SAXO1: variants seen among roughly 807,000 people sequenced by gnomAD.
SAXO1 encodes stabilizer of axonemal microtubules 1.
A neutral mutation model predicts 17.5 loss-of-function variants in SAXO1; 21 were observed. The observed-to-expected ratio is 1.20, with a 90% CI of 0.85 to 1.72. The LOEUF (loss-of-function observed/expected upper bound fraction) is 1.72. SAXO1 is among the 40% of genes most tolerant of loss of function. The pLI is 0.00. For missense variants in SAXO1, 843 were observed against 596.0 expected, an observed-to-expected ratio of 1.41 and a Z score of -4.32; for synonymous variants, 274 against 216.5, an observed-to-expected ratio of 1.27 and a Z score of -2.33.
At chr9:18,970,463 TAA>T (rs1832906756) in intron 1 of SAXO1, among the ~76,000 whole-genome samples, 1 of 152,182 alleles carries the variant, frequency 6.6e-6, no homozygotes, top group East Asian at 1.9e-4. Flanking sequence ...AAGCAGTTCA[TAA>T]AAGACTCCTC....
Position 18,990,789 on chromosome 9 carries a change from C to T in SAXO1, c.39-39852G>A, listed in dbSNP as rs116175691. Among the ~76,000 whole-genome samples the T allele has an allele frequency of 1.4e-3, 213 of 152,268 alleles. 2 individuals carry two copies. The highest frequency in any genetic ancestry group is 5.0e-3 in the African/African-American group (208 of 41,544). On this transcript the variant is annotated intron_variant, in intron 1 of 3. Transcript: ENST00000380534. ...CCTATCAGTGAACTGCGCATGCAAGCGATCTAGGTTGTGTGCTCCTTATGA... is the reference window on the plus strand; with the variant it reads ...CCTATCAGTGAACTGCGCATGCAAGTGATCTAGGTTGTGTGCTCCTTATGA...
intron 1 of SAXO1, among the ~76,000 whole-genome samples, chr9:18,996,896 T>A (rs57781933): frequency 2.6e-5 from 4 of 151,238 alleles, no homozygotes; most frequent in African/African-American, 9.7e-5. Context: ...AAGGAAGAGG[T>A]AAAATTATCT....
intron 1 of SAXO1, among the ~76,000 whole-genome samples, chr9:19,013,540 A>AT (rs1219136885): frequency 0.65 from 60,923 of 93,154 alleles, 21,623 homozygotes; most frequent in Non-Finnish European, 0.72. Context: ...AAAAGTACGG[A>AT]TTTTTTTTTT....
At chr9:19,006,012 C>G (rs1056441349) in intron 1 of SAXO1, among the ~76,000 whole-genome samples, 1 of 152,106 alleles carries the variant, frequency 6.6e-6, no homozygotes, top group South Asian at 2.1e-4. Context: ...GCAAAAAGGA[C>G]ATGAAAAGAT....
chr9:18,975,886 A>G (rs1425678635), intron 1 of SAXO1, among the ~76,000 whole-genome samples: 1 of 94,486 alleles, frequency 1.1e-5, no homozygotes, highest in Non-Finnish European at 3.1e-5. Flanking sequence ...AGTGGAGCAG[A>G]CAGACCAAGA....
intron 1 of SAXO1, among the ~76,000 whole-genome samples, chr9:18,968,857 G>T (rs1832838409): frequency 6.6e-6 from 1 of 152,150 alleles, no homozygotes; most frequent in African/African-American, 2.4e-5. Flanking sequence ...GCCTCCCAAA[G>T]TGCTAGGATT....
At chr9:19,045,887 C>A (rs549686191) in intron 1 of SAXO1, among the ~76,000 whole-genome samples, 5 of 151,960 alleles carry the variant, frequency 3.3e-5, no homozygotes, top group African/African-American at 1.2e-4. Context: ...TACTGCCGGG[C>A]GCGGTGGCTC....
At chr9:18,937,766 C>G (rs1474445829) in intron 3 of SAXO1, among the ~76,000 whole-genome samples, 3 of 152,172 alleles carry the variant, frequency 2.0e-5, no homozygotes, top group African/African-American at 7.2e-5. Context: ...CAGACCCTCA[C>G]TGGACACCAA....
At chr9:18,959,275 G>A (rs921112395) in intron 1 of SAXO1, among the ~76,000 whole-genome samples, 2 of 152,160 alleles carry the variant, frequency 1.3e-5, no homozygotes, top group African/African-American at 4.8e-5. Context: ...CAAATACAGA[G>A]AAACAGATTC....
In SAXO1 at chr9:18,928,078, G is replaced by A. The variant is rs747905247; in HGVS notation, c.1399C>T (p.Gln467Ter). 4.4e-6 allele frequency: 7 copies of A among 1,608,314 alleles called. No individual in the cohort carries two copies. Among genetic ancestry groups the A allele is most frequent in the Admixed American group, 3.3e-5 (2 of 59,762 alleles). ...CAGGCTAACACTTCCAACTCCCTCT[G>A]GTTGGGGTTTTCTGAATCATCTACA... ...LSVDDSENPN[Q>*]RELEVLA The change falls in exon 4 of 4, where the codon CAG (glutamine) becomes TAG (stop). Residue 467 changes from glutamine (Q) to a stop codon, truncating the protein, a stop_gained. Coordinates refer to ENST00000380534, the MANE Select transcript of SAXO1 (RefSeq NM_153707.4). LOFTEE classifies it high-confidence loss of function.
chr9:19,032,980 C>CCT lies in SAXO1; in HGVS notation c.-74_-73dup, dbSNP rs1835833791. ...GCAGCCGACTCCTAGACCCCAACCA[C>CCT]CTGTCTTGGGGCACGCCCAGGCTCG... On this transcript the variant is annotated 5_prime_UTR_variant, in exon 1 of 4. Coordinates refer to ENST00000380534, the MANE Select transcript of SAXO1 (RefSeq NM_153707.4). The CCT allele has an allele frequency of 1.3e-6, 2 of 1,508,188 alleles. No individual in the cohort carries two copies. The highest frequency in any genetic ancestry group is 1.8e-6 in the Non-Finnish European group (2 of 1,114,250). The allele number at this position is 1,508,188 out of a possible 1,614,324, so 93.4% of individuals were successfully genotyped here. A position where few individuals can be genotyped will look rare whatever the true frequency, so the allele number is the denominator to read the frequency against.
intron 1 of SAXO1, among the ~76,000 whole-genome samples, chr9:19,002,050 A>G (rs1588510674): frequency 6.6e-6 from 1 of 152,228 alleles, no homozygotes; most frequent in Non-Finnish European, 1.5e-5. Context: ...GCAATAAAAA[A>G]TGATAAAGGG....
At chr9:18,996,422 T>TTGC (rs1834002773) in intron 1 of SAXO1, among the ~76,000 whole-genome samples, 1 of 152,238 alleles carries the variant, frequency 6.6e-6, no homozygotes, top group Admixed American at 6.5e-5. Flanking sequence ...GTATAACCTA[T>TTGC]TGCTCCTAGG....
chr9:19,015,702 T>C (rs963992732), intron 1 of SAXO1, among the ~76,000 whole-genome samples: 1 of 150,396 alleles, frequency 6.6e-6, no homozygotes, highest in Admixed American at 6.6e-5. Context: ...TAGTCTGAAA[T>C]TCCTGGCCTC....
chr9:19,042,355 T>C (rs1411655731), intron 1 of SAXO1, among the ~76,000 whole-genome samples: 1 of 152,124 alleles, frequency 6.6e-6, no homozygotes, highest in Admixed American at 6.6e-5. Context: ...AAATGTAAAT[T>C]ATTACAACCA....
intron 3 of SAXO1, among the ~76,000 whole-genome samples, chr9:18,940,793 G>A (rs962765526): frequency 2.6e-5 from 4 of 152,162 alleles, no homozygotes; most frequent in Non-Finnish European, 2.9e-5. Flanking sequence ...CACTAGGCTA[G>A]AAAGTCAAGG....
Position 18,946,634 on chromosome 9 carries a change from C to G in SAXO1, c.218+4124G>C, listed in dbSNP as rs192414841. ...ACAAAAATCAACCCAAAATCTGACC[C>G]ATGCTCAAAAAAGAAAAAAAAAAGA... On this transcript the variant is annotated intron_variant, in intron 2 of 3. Coordinates refer to ENST00000380534, the MANE Select transcript of SAXO1 (RefSeq NM_153707.4). Among the ~76,000 whole-genome samples, 8 of 147,870 alleles carry G rather than the reference C, an allele frequency of 5.4e-5. No individual in the cohort carries two copies. The East Asian group carries it at 1.2e-3, about 21-fold the overall frequency.
At chr9:18,947,462 T>C (rs1263455228) in intron 2 of SAXO1, among the ~76,000 whole-genome samples, 7 of 152,130 alleles carry the variant, frequency 4.6e-5, no homozygotes, top group African/African-American at 1.7e-4. Flanking sequence ...CTCAATTCTA[T>C]CTCCTCACTC....
At chr9:19,027,820 T>G in intron 1 of SAXO1, 1 of 1,488,946 alleles carries the variant, frequency 6.7e-7, no homozygotes, top group Non-Finnish European at 9.2e-7. Context: ...TTAAGGTAAT[T>G]GCAGTCACAA....
Sources: gnomAD v4.1 joint callset for allele counts (sites outside exome capture counted in the v4.1 genomes callset) on GRCh38, gnomAD v4.1.1 for gene constraint, MANE v1.5 for transcripts, NCBI Gene and HGNC (gene_info 2026-07-23, HGNC 2026-07-21) for gene names.